The following BNC2 variants were observed in gnomAD, a reference collection of about 807,000 sequenced individuals.
BNC2 encodes zinc finger protein basonuclin-2.
Under a neutral mutation model 76.3 loss-of-function variants are expected in BNC2, and 20 were observed. The observed-to-expected ratio is 0.26, with a 90% confidence interval of 0.18 to 0.38. BNC2 has a LOEUF of 0.38. BNC2 is among the 10% of genes least tolerant of loss of function. The pLI, the probability that BNC2 is intolerant of heterozygous loss-of-function variation, is 1.00. For synonymous variants in BNC2, 582 were observed against 514.8 expected, an observed-to-expected ratio of 1.13 and a Z score of -1.77; for missense variants, 1,382 against 1,399.8, an observed-to-expected ratio of 0.99 and a Z score of 0.20.
intron 5 of BNC2, among the ~76,000 whole-genome samples, chr9:16,539,502 T>C (rs1217715300): frequency 7.2e-6 from 1 of 137,958 alleles, no homozygotes; most frequent in East Asian, 2.1e-4. Context: ...CACTCCAGCC[T>C]GGGCAACAGA....
intron 1 of BNC2, among the ~76,000 whole-genome samples, chr9:16,750,152 T>G (rs1287700070): frequency 6.6e-6 from 1 of 152,172 alleles, no homozygotes; most frequent in East Asian, 1.9e-4. Context: ...CTACGAGAAC[T>G]GATACCTAAA....
chr9:16,750,145 C>A (rs12344698), intron 1 of BNC2, among the ~76,000 whole-genome samples: 3 of 151,814 alleles, frequency 2.0e-5, no homozygotes, highest in Non-Finnish European at 4.4e-5. Flanking sequence ...AAAGAATCTA[C>A]GAGAACTGAT....
intron 1 of BNC2, among the ~76,000 whole-genome samples, chr9:16,813,335 G>T (rs191573354): frequency 0.019 from 2,867 of 151,190 alleles, 91 homozygotes; most frequent in African/African-American, 0.067. Flanking sequence ...GTGCGATCTC[G>T]GCTCACTGCA....
At chr9:16,704,686 TTTTTTA>T (rs749091780) in intron 3 of BNC2, 8 of 28,784 alleles carry the variant, frequency 2.8e-4, no homozygotes, top group Admixed American at 1.5e-3. Context: ...AATGGTTTTT[TTTTTTA>T]AAAAAAAAAA....
chr9:16,824,563 A>C (rs542909798), intron 1 of BNC2, among the ~76,000 whole-genome samples: 7 of 152,202 alleles, frequency 4.6e-5, no homozygotes, highest in African/African-American at 1.7e-4. Context: ...TCATATTCTC[A>C]ATGCTCCAGC....
intron 5 of BNC2, among the ~76,000 whole-genome samples, chr9:16,487,736 G>A (rs1016539083): frequency 1.3e-5 from 2 of 152,154 alleles, no homozygotes; most frequent in Non-Finnish European, 2.9e-5. Flanking sequence ...CCCAAAAGCC[G>A]ATTTCTTGGA....
At chr9:16,783,535 G>T (rs936704334) in intron 1 of BNC2, among the ~76,000 whole-genome samples, 1 of 152,110 alleles carries the variant, frequency 6.6e-6, no homozygotes, top group Non-Finnish European at 1.5e-5. Context: ...ATAAAGCTCA[G>T]GTTGTCTAAT....
intron 3 of BNC2, among the ~76,000 whole-genome samples, chr9:16,613,918 G>A (rs1820622889): frequency 1.3e-5 from 2 of 151,492 alleles, no homozygotes; most frequent in South Asian, 4.1e-4. Context: ...GAGACAACTC[G>A]ATTACAAAAG....
At chr9:16,787,981 T>C (rs895593369) in intron 1 of BNC2, among the ~76,000 whole-genome samples, 1 of 152,134 alleles carries the variant, frequency 6.6e-6, no homozygotes, top group Non-Finnish European at 1.5e-5. Flanking sequence ...TGGGTAATAT[T>C]GTGTCCCTTC....
chr9:16,584,854 T>C (rs950611101), intron 3 of BNC2, among the ~76,000 whole-genome samples: 2 of 152,076 alleles, frequency 1.3e-5, no homozygotes, highest in Non-Finnish European at 2.9e-5. Context: ...GCATTTCCAC[T>C]AAAAACAAGA....
intron 5 of BNC2, among the ~76,000 whole-genome samples, chr9:16,444,309 T>C (rs1162369171): frequency 6.6e-6 from 1 of 152,184 alleles, no homozygotes; most frequent in Non-Finnish European, 1.5e-5. Context: ...AAATTTTTAC[T>C]AATGGGGTGT....
In BNC2 at chr9:16,415,847, C is replaced by T. The variant is rs1002193995; in HGVS notation, c.*3142G>A. 19 of 152,156 alleles carry T rather than the reference C, an allele frequency of 1.2e-4. No individual in the cohort carries two copies. The highest frequency in any genetic ancestry group is 2.7e-4 in the African/African-American group (11 of 41,432). 9.4% of individuals were successfully genotyped at this position (152,156 alleles called of 1,614,324 possible). ...TTACTCATTTAGAAGGCCACCGTAA[C>T]GACTGGGCACTTGAGGCACAAAAGT... On this transcript the variant is annotated 3_prime_UTR_variant, in exon 7 of 7. Transcript: ENST00000380672.
intron 1 of BNC2, among the ~76,000 whole-genome samples, chr9:16,787,836 C>A (rs897098794): frequency 6.6e-6 from 1 of 152,176 alleles, no homozygotes; most frequent in Non-Finnish European, 1.5e-5. Flanking sequence ...GAAGCATGAG[C>A]CAACGCGCCC....
chr9:16,455,331 A>AT (rs1821423815), intron 5 of BNC2, among the ~76,000 whole-genome samples: 1 of 152,206 alleles, frequency 6.6e-6, no homozygotes, highest in Non-Finnish European at 1.5e-5. Flanking sequence ...AGAGAAAATA[A>AT]ACACATAGAT....
intron 3 of BNC2, among the ~76,000 whole-genome samples, chr9:16,712,892 C>T (rs914761845): frequency 6.6e-6 from 1 of 152,186 alleles, no homozygotes; most frequent in Non-Finnish European, 1.5e-5. Context: ...ACTAGTCCGT[C>T]AAATTCCATC....
chr9:16,690,272 C>T (rs566010255), intron 3 of BNC2, among the ~76,000 whole-genome samples: 32 of 152,068 alleles, frequency 2.1e-4, no homozygotes, highest in African/African-American at 6.7e-4. Flanking sequence ...GGCAGGAGAC[C>T]AGGAGTTCTA....
intron 3 of BNC2, among the ~76,000 whole-genome samples, chr9:16,680,683 T>C (rs1339866728): frequency 6.6e-6 from 1 of 151,506 alleles, no homozygotes; most frequent in African/African-American, 2.4e-5. Context: ...CCCTATGGTA[T>C]GAACATGAGC....
At chr9:16,812,629 A>T (rs1034736157) in intron 1 of BNC2, among the ~76,000 whole-genome samples, 11 of 152,160 alleles carry the variant, frequency 7.2e-5, no homozygotes, top group African/African-American at 2.7e-4. Context: ...AATGTGTGTG[A>T]CACATATTCC....
At chr9:16,650,617 A>C (rs1157848218) in intron 3 of BNC2, among the ~76,000 whole-genome samples, 1 of 152,118 alleles carries the variant, frequency 6.6e-6, no homozygotes. Flanking sequence ...ATGGCATTTC[A>C]GACCAAAGTC....
Sources: gnomAD v4.1 joint callset for allele counts (sites outside exome capture counted in the v4.1 genomes callset) on GRCh38, gnomAD v4.1.1 for gene constraint, MANE v1.5 for transcripts, NCBI Gene and HGNC (gene_info 2026-07-23, HGNC 2026-07-21) for gene names.